Variants in TRIM36 observed in about 807,000 individuals in gnomAD.
The protein encoded by TRIM36 is tripartite motif containing 36.
Under a neutral mutation model 72.4 loss-of-function variants are expected in TRIM36, and 42 were observed. The ratio of observed to expected loss-of-function variants is 0.58; its 90% CI spans 0.45 to 0.75. TRIM36 has a LOEUF of 0.75. Ranked by LOEUF, TRIM36 falls within the 30% of genes least tolerant of loss-of-function variation. TRIM36 has a pLI of 0.00. For synonymous variants in TRIM36, 315 were observed against 282.8 expected (o/e 1.11, Z -1.14); for missense variants, 913 against 857.1 (o/e 1.07, Z -0.81).
In TRIM36 at chr5:115,163,636, G is replaced by C. The variant is rs1754609694; in HGVS notation, c.144C>G (p.Leu48=). The C allele has an allele frequency of 6.2e-7, 1 of 1,614,144 alleles. No individual in the cohort carries two copies. Among genetic ancestry groups the C allele is most frequent in the Non-Finnish European group, 8.5e-7 (1 of 1,180,030 alleles). Residue 48 remains leucine, a synonymous_variant, in exon 2 of 10, where the codon CTC becomes CTG. Coordinates refer to ENST00000513154, the MANE Select transcript of TRIM36 (RefSeq NM_001300759.2). ...TGAATGAATCATCGAGAGTCAGCAG[G>C]AGTTCTTTTACACATTTATGACAGA... The part of the protein sequence containing the change: ...HSICHKCVKE[L]LLTLDDSFND...
chr5:115,137,545 CCT>C lies in TRIM36; in HGVS notation c.901_902del (p.Arg301GlufsTer9). 1 of 1,614,046 alleles carries C rather than the reference CCT, an allele frequency of 6.2e-7. No individual in the cohort carries two copies. ...FEKLFEVLEE[R>X]KSSVLKAIDS... ...CAATTGCTTTCAAAACAGATGATTT[CCT>C]CTCTTCCAGAACTTCAAAGAGCTTT... On this transcript the variant is annotated frameshift_variant, in exon 6 of 10. Coordinates refer to ENST00000513154, the MANE Select transcript of TRIM36 (RefSeq NM_001300759.2). LOFTEE classifies it high-confidence loss of function.
At chr5:115,132,550 GAAAA>G (rs11290682) in intron 8 of TRIM36, among the ~76,000 whole-genome samples, 2 of 110,858 alleles carry the variant, frequency 1.8e-5, no homozygotes, top group Non-Finnish European at 3.6e-5. Flanking sequence ...CCTCCAAAAA[GAAAA>G]AAAAAAAAAA....
At chr5:115,156,447 T>C (rs1317781564) in intron 2 of TRIM36, among the ~76,000 whole-genome samples, 5 of 152,306 alleles carry the variant, frequency 3.3e-5, no homozygotes, top group East Asian at 1.9e-4. Context: ...TGAAACAGTA[T>C]GGTACTGGTA....
intron 2 of TRIM36, among the ~76,000 whole-genome samples, chr5:115,163,279 GT>G (rs528422962): frequency 9.8e-4 from 149 of 152,216 alleles, no homozygotes; most frequent in Admixed American, 2.1e-3. Flanking sequence ...TTAATAAGGA[GT>G]TTAACACAAA....
intron 2 of TRIM36, chr5:115,148,907 T>C (rs568364611): frequency 6.6e-6 from 1 of 152,288 alleles, no homozygotes; most frequent in Non-Finnish European, 1.5e-5. Context: ...ATAACTGTCA[T>C]CACTCAAAAG....
upstream of TRIM36, among the ~76,000 whole-genome samples, chr5:115,171,741 C>T (rs534651151): frequency 6.6e-6 from 1 of 152,312 alleles, no homozygotes; most frequent in South Asian, 2.1e-4. Flanking sequence ...ACTGAGCTAT[C>T]ATTTTCTACC....
Position 115,144,637 on chromosome 5 carries a change from G to C in TRIM36, c.696C>G (p.His232Gln). Reference sequence around the variant, plus strand: ...AGGCACTGCTCATAGTGGTTACACGGTGGTTGGCATGATTACCACCCAACT... The same window carrying C: ...AGGCACTGCTCATAGTGGTTACACGCTGGTTGGCATGATTACCACCCAACT... ...LCKLGGNHAN[H>Q]RVTTMSSAYK... Residue 232 changes from histidine to glutamine, a missense_variant, in exon 4 of 10, where the codon CAC becomes CAG. By Grantham distance (24) the His-to-Gln change is conservative. Transcript: ENST00000513154. 1.2e-6 allele frequency: 2 copies of C among 1,614,128 alleles called. No individual in the cohort carries two copies. The highest frequency in any genetic ancestry group is 1.7e-6 in the Non-Finnish European group (2 of 1,180,014).
chr5:115,138,224 C>A (rs1353988786), intron 5 of TRIM36, among the ~76,000 whole-genome samples: 2 of 152,112 alleles, frequency 1.3e-5, no homozygotes, highest in African/African-American at 4.8e-5. Flanking sequence ...CTCAGCCTCC[C>A]AAGTAGCTGG....
At chr5:115,134,196 A>G in intron 7 of TRIM36, 49 bp from the exon 8 acceptor site, 1 of 1,477,406 alleles carries the variant, frequency 6.8e-7, no homozygotes, top group Non-Finnish European at 9.0e-7. Flanking sequence ...TGACATTTGA[A>G]AACCAGTGTT....
chr5:115,158,436 T>G (rs1754302172), intron 2 of TRIM36, among the ~76,000 whole-genome samples: 1 of 152,190 alleles, frequency 6.6e-6, no homozygotes, highest in African/African-American at 2.4e-5. Context: ...ATAAAGTATT[T>G]CAAAACAAAG....
At chr5:115,167,778 T>G (rs939978743) in intron 1 of TRIM36, among the ~76,000 whole-genome samples, 3 of 152,218 alleles carry the variant, frequency 2.0e-5, no homozygotes, top group African/African-American at 7.2e-5. Flanking sequence ...TTCCACATTG[T>G]TGGGTATCTT....
intron 9 of TRIM36, among the ~76,000 whole-genome samples, chr5:115,128,243 C>A (rs993512488): frequency 6.6e-6 from 1 of 151,600 alleles, no homozygotes; most frequent in Admixed American, 6.6e-5. Flanking sequence ...GTGGCGCATG[C>A]CTGTAATCCC....
chr5:115,169,913 G>A, upstream of TRIM36: 1 of 1,288,676 alleles, frequency 7.8e-7, no homozygotes, highest in East Asian at 3.2e-5. Flanking sequence ...GACTGCGGCT[G>A]GGAACGGCGC....
chr5:115,157,596 T>C (rs1754246560), intron 2 of TRIM36, among the ~76,000 whole-genome samples: 1 of 151,920 alleles, frequency 6.6e-6, no homozygotes, highest in South Asian at 2.1e-4. Flanking sequence ...GGAACTACCA[T>C]TTGATCCAGC....
upstream of TRIM36, among the ~76,000 whole-genome samples, chr5:115,173,336 C>T (rs371540261): frequency 6.6e-6 from 1 of 152,176 alleles, no homozygotes; most frequent in Non-Finnish European, 1.5e-5. Flanking sequence ...TCTAAGCCCC[C>T]TCTCCGCATG....
chr5:115,170,705 G>A (rs1755070166), upstream of TRIM36, among the ~76,000 whole-genome samples: 1 of 152,256 alleles, frequency 6.6e-6, no homozygotes, highest in Non-Finnish European at 1.5e-5. Context: ...CCTGCAGGGT[G>A]GAGATTCCTC....
upstream of TRIM36, among the ~76,000 whole-genome samples, chr5:115,170,832 GGCACCCCC>G (rs895794765): frequency 6.6e-6 from 1 of 152,212 alleles, no homozygotes; most frequent in Non-Finnish European, 1.5e-5. Flanking sequence ...GAGCGGCTCC[GGCACCCCC>G]GCACCCCCGC....
chr5:115,161,688 T>C (rs945161060), intron 2 of TRIM36, among the ~76,000 whole-genome samples: 1 of 152,198 alleles, frequency 6.6e-6, no homozygotes, highest in Non-Finnish European at 1.5e-5. Context: ...AGGCATCCGT[T>C]TCAGTCTCCA....
At chr5:115,179,527 G>C (rs961300002) in intron 1 of TRIM36, among the ~76,000 whole-genome samples, 1 of 152,242 alleles carries the variant, frequency 6.6e-6, no homozygotes, top group Non-Finnish European at 1.5e-5. Flanking sequence ...GACCCTGATC[G>C]CACACTTCGA....
Sources: gnomAD v4.1 joint callset for allele counts (sites outside exome capture counted in the v4.1 genomes callset) on GRCh38, gnomAD v4.1.1 for gene constraint, MANE v1.5 for transcripts, NCBI Gene and HGNC (gene_info 2026-07-23, HGNC 2026-07-21) for gene names.